NHLRC2: variants seen among roughly 807,000 people sequenced by gnomAD.
NHLRC2 encodes NHL repeat-containing protein 2.
NHLRC2 carries 33 observed loss-of-function variants against 68.1 expected under a neutral mutation model. The observed-to-expected ratio is 0.48, with a 90% confidence interval of 0.37 to 0.65. The LOEUF is 0.65. Ranked by LOEUF, NHLRC2 falls within the 30% of genes least tolerant of loss-of-function variation. NHLRC2 has a pLI of 0.00. For missense variants in NHLRC2, 761 were observed against 853.8 expected (o/e 0.89, Z 1.35); for synonymous variants, 311 against 309.6 (o/e 1.00, Z -0.05).
At chr10:113,904,433 CATTTCTCTTCACGTAG>C (rs1220290487) in intron 9 of NHLRC2, among the ~76,000 whole-genome samples, 3 of 152,112 alleles carry the variant, frequency 2.0e-5, no homozygotes, top group African/African-American at 7.2e-5. Context: ...ACATAAATGT[CATTTCTCTTCACGTAG>C]ATCTCTGATA....
intron 2 of NHLRC2, among the ~76,000 whole-genome samples, chr10:113,872,760 C>CT (rs987919963): frequency 3.3e-5 from 2 of 61,056 alleles, no homozygotes; most frequent in South Asian, 6.3e-4. Context: ...TGAAAATGAG[C>CT]TAAAAAAAAA....
chr10:113,855,699 A>G (rs937174904), intron 1 of NHLRC2, among the ~76,000 whole-genome samples: 3 of 151,908 alleles, frequency 2.0e-5, no homozygotes, highest in African/African-American at 7.3e-5. Context: ...GCGTTTCACT[A>G]TGTTGGCCAG....
intron 2 of NHLRC2, among the ~76,000 whole-genome samples, chr10:113,862,570 C>A (rs1434260894): frequency 1.3e-5 from 2 of 151,654 alleles, no homozygotes; most frequent in South Asian, 2.1e-4. Flanking sequence ...CAGATAAGTC[C>A]CTCTTTGTCA....
At chr10:113,860,094 C>T (rs913342047) in intron 2 of NHLRC2, among the ~76,000 whole-genome samples, 1 of 152,144 alleles carries the variant, frequency 6.6e-6, no homozygotes. Context: ...TTGTGAAATG[C>T]ATTGTATAGC....
rs781157874 is a variant in NHLRC2 at position 113,908,572 on chromosome 10, A to G, written c.*36A>G. On this transcript the variant is annotated 3_prime_UTR_variant, in exon 11 of 11. Coordinates refer to ENST00000369301, the MANE Select transcript of NHLRC2 (RefSeq NM_198514.4). The stretch of plus-strand genomic sequence containing the variant: ...AGCTAGCAACCCATTGCCACCACCT[A>G]CTGTCTCCCATCCTGACTATCACTG... The G allele has an allele frequency of 5.0e-6, 8 of 1,607,856 alleles. No homozygotes were observed. Among genetic ancestry groups the G allele is most frequent in the Admixed American group, 3.3e-5 (2 of 59,802 alleles).
chr10:113,857,695 C>A (rs532456709), intron 1 of NHLRC2, among the ~76,000 whole-genome samples: 23 of 152,188 alleles, frequency 1.5e-4, no homozygotes, highest in Admixed American at 1.1e-3. Flanking sequence ...TTAACAAAAT[C>A]TTTCTTCATA....
intron 2 of NHLRC2, among the ~76,000 whole-genome samples, chr10:113,862,807 A>C (rs973217266): frequency 6.6e-6 from 1 of 152,126 alleles, no homozygotes; most frequent in Non-Finnish European, 1.5e-5. Flanking sequence ...TGGACTTTAG[A>C]TCTAAAAAGG....
intron 2 of NHLRC2, among the ~76,000 whole-genome samples, chr10:113,874,714 C>T (rs1845962414): frequency 1.3e-5 from 2 of 151,908 alleles, no homozygotes; most frequent in South Asian, 4.2e-4. Context: ...AACTGTTCCA[C>T]AGGTCCCTGA....
intron 2 of NHLRC2, among the ~76,000 whole-genome samples, chr10:113,867,989 T>G (rs1411561613): frequency 6.6e-6 from 1 of 152,134 alleles, no homozygotes; most frequent in African/African-American, 2.4e-5. Flanking sequence ...ATTTATCATG[T>G]TTTTTGTTGG....
At chr10:113,869,502 C>G (rs17091073) in intron 2 of NHLRC2, among the ~76,000 whole-genome samples, 4,606 of 152,232 alleles carry the variant, frequency 0.03, 242 homozygotes, top group African/African-American at 0.11. Context: ...GTCCCACGTT[C>G]TCCATTGTTC....
chr10:113,900,542 A>G (rs1261258998), intron 6 of NHLRC2, among the ~76,000 whole-genome samples: 1 of 152,158 alleles, frequency 6.6e-6, no homozygotes, highest in Non-Finnish European at 1.5e-5. Context: ...TATTATCTTT[A>G]TTACCGATCT....
chr10:113,884,525 G>A (rs892745585), intron 5 of NHLRC2, 145 bp downstream of exon 5: 8 of 511,298 alleles, frequency 1.6e-5, no homozygotes, highest in Admixed American at 6.6e-5. Context: ...TGTTAATTGT[G>A]TAAAAACAAA....
At chr10:113,863,660 A>G (rs188480512) in intron 2 of NHLRC2, among the ~76,000 whole-genome samples, 20 of 152,276 alleles carry the variant, frequency 1.3e-4, no homozygotes, top group Admixed American at 7.8e-4. Flanking sequence ...GAAAAGATCA[A>G]TTTGGGTACA....
At chr10:113,865,773 A>T (rs1369830026) in intron 2 of NHLRC2, among the ~76,000 whole-genome samples, 3 of 152,130 alleles carry the variant, frequency 2.0e-5, no homozygotes, top group African/African-American at 7.2e-5. Flanking sequence ...TGATAACTTA[A>T]AAGATTTTTA....
intron 2 of NHLRC2, among the ~76,000 whole-genome samples, chr10:113,865,389 G>A (rs963911351): frequency 2.7e-5 from 4 of 149,486 alleles, no homozygotes; most frequent in African/African-American, 9.9e-5. Context: ...GGAGAATACT[G>A]ACTAGTGTTT....
Position 113,879,582 on chromosome 10 carries a change from C to T in NHLRC2, c.796C>T (p.Pro266Ser). Residue 266 changes from proline to serine, a missense_variant, in exon 4 of 11, where the codon CCT becomes TCT. Physicochemically the swap from Pro to Ser is moderately conservative, Grantham distance 74. Coordinates refer to ENST00000369301, the MANE Select transcript of NHLRC2 (RefSeq NM_198514.4). ...QIQYSIGGPN[P>S]GRKDGIFSES... is the part of the protein sequence containing the mutation. ...ATTTTATCTTATTTTAGGACCCAAC[C>T]CTGGAAGAAAAGATGGAATATTTTC... 2 of 1,600,850 alleles carry T rather than the reference C, an allele frequency of 1.2e-6. No individual in the cohort carries two copies. The highest frequency in any genetic ancestry group is 1.4e-5 in the African/African-American group (1 of 74,046).
At position 113,906,727 on chromosome 10, in the gene NHLRC2, C is replaced by T. The variant is rs139195995; in HGVS notation, c.1925-1553C>T. 4.2e-3 allele frequency among the ~76,000 whole-genome samples: 638 copies of T among 152,304 alleles called. 4 individuals carry two copies. The highest frequency in any genetic ancestry group is 0.015 in the African/African-American group (617 of 41,572). On this transcript the variant is annotated intron_variant, in intron 10 of 10. Transcript: ENST00000369301. ...GAAATTGGCCAGGCGTGGTGGCTCA[C>T]GCCTGTAATCCCAGCACTTTGGGAG...
Position 113,903,596 on chromosome 10 carries a change from A to T in NHLRC2, c.1564A>T (p.Thr522Ser), listed in dbSNP as rs759305482. ...LAGTGDTNNV[T>S]SSSFTESTFN... ...AGGAACTGGAGACACAAATAATGTT[A>T]CCAGTTCCAGTTTTACAGAGTCAAC... Residue 522 changes from threonine to serine, a missense_variant, in exon 9 of 11, where the codon ACC (threonine) becomes TCC (serine). By Grantham distance (58) the Thr-to-Ser change is moderately conservative. Transcript: ENST00000369301. 2 of 1,612,204 alleles carry T rather than the reference A, an allele frequency of 1.2e-6. No homozygotes were observed. The highest frequency in any genetic ancestry group is 1.7e-6 in the Non-Finnish European group (2 of 1,178,422).
rs1285517055 is a variant in NHLRC2 at position 113,910,773 on chromosome 10, G to C, written c.*2237G>C. The stretch of plus-strand genomic sequence containing the variant: ...GACTCTATTCCCCTTCATTTGTCTA[G>C]ACAGTTTTAGGTTAGCCTTAGCTTA... On this transcript the variant is annotated 3_prime_UTR_variant, in exon 11 of 11. Coordinates refer to ENST00000369301, the MANE Select transcript of NHLRC2 (RefSeq NM_198514.4). The C allele has an allele frequency of 6.6e-6, 1 of 152,126 alleles. No homozygotes were observed. The highest frequency in any genetic ancestry group is 1.5e-5 in the Non-Finnish European group (1 of 68,014). The allele number at this position is 152,126 out of a possible 1,614,324, so 9.4% of individuals were successfully genotyped here. A position where few individuals can be genotyped will look rare whatever the true frequency, so the allele number is the denominator to read the frequency against.
Sources: allele counts gnomAD v4.1 joint callset (sites outside exome capture counted in the v4.1 genomes callset), GRCh38; gene constraint gnomAD v4.1.1; transcripts MANE v1.5; gene names NCBI Gene and HGNC (gene_info 2026-07-23, HGNC 2026-07-21).